The following ADGRF1 variants were observed in gnomAD, a reference collection of about 807,000 sequenced individuals.
The protein encoded by ADGRF1 is G protein-coupled receptor 110.
In ADGRF1, 85 loss-of-function variants were observed where a neutral mutation model predicts 87.2. The observed-to-expected ratio is 0.97, with a 90% CI of 0.82 to 1.17. The LOEUF is 1.17. Ranked by LOEUF, ADGRF1 falls within the 50% of genes most tolerant of loss-of-function variation. The probability of loss-of-function intolerance (pLI) is 0.00; values close to 1 mark genes in which losing one functional copy is unlikely to be tolerated. For synonymous variants in ADGRF1, 430 were observed against 408.8 expected (o/e 1.05, Z -0.63); for missense variants, 1,169 against 1,077.2 (o/e 1.09, Z -1.19).
rs1457894500 is a variant in ADGRF1, at chr6:46,999,256, G to T, written c.*966C>A. ...ATGGTGTATTATGAAAGAAAATAAG[G>T]ATGTTTTAAGGTACCTCCCTGGAAG... On this transcript the variant is annotated 3_prime_UTR_variant, in exon 15 of 15. Transcript: ENST00000371253. The T allele has an allele frequency of 1.3e-5, 2 of 152,192 alleles. No individual in the cohort carries two copies. The highest frequency in any genetic ancestry group is 2.9e-5 in the Non-Finnish European group (2 of 68,040). The allele number at this position is 152,192 out of a possible 1,614,324, so 9.4% of individuals were successfully genotyped here. A position where few individuals can be genotyped will look rare whatever the true frequency, so the allele number is the denominator to read the frequency against.
chr6:47,010,533 AG>A (rs1779675110), intron 10 of ADGRF1, among the ~76,000 whole-genome samples: 1 of 152,236 alleles, frequency 6.6e-6, no homozygotes, highest in African/African-American at 2.4e-5. Flanking sequence ...TGTAAGTCCC[AG>A]GGTGATCACC....
chr6:47,009,749 T>C lies in ADGRF1; in HGVS notation c.1686A>G (p.Gln562=), dbSNP rs1436084419. The change falls in exon 11 of 15, where the codon CAA becomes CAG. Residue 562 remains glutamine (Q), a synonymous_variant. Coordinates refer to ENST00000371253, the MANE Select transcript of ADGRF1 (RefSeq NM_153840.4). ...VNETQDIVTC[Q]CTHLTSFSIL... is the part of the protein sequence containing the mutation. ...TGGAGAAGGAGGTCAAGTGAGTACA[T>C]TGGCACGTCACGATGTCTTGAGTTT... 4 of 1,614,074 alleles carry C rather than the reference T, an allele frequency of 2.5e-6. No individual in the cohort carries two copies. Among genetic ancestry groups the C allele is most frequent in the African/African-American group, 1.3e-5 (1 of 74,940 alleles).
intron 2 of ADGRF1, 113 bp from the exon 3 acceptor site, chr6:47,027,874 G>T: frequency 1.3e-6 from 1 of 748,176 alleles, no homozygotes. Flanking sequence ...CCAAGCCAGG[G>T]ATGGTGGAGA....
chr6:47,012,705 G>A, intron 9 of ADGRF1: 1 of 985,594 alleles, frequency 1.0e-6, no homozygotes, highest in Non-Finnish European at 1.2e-6. Context: ...GATGGGAAGA[G>A]AGAGAAACAT....
At chr6:47,041,997 T>C (rs541162783) in intron 1 of ADGRF1, among the ~76,000 whole-genome samples, 194 bp downstream of exon 1, 2 of 152,206 alleles carry the variant, frequency 1.3e-5, no homozygotes, top group Non-Finnish European at 2.9e-5. Flanking sequence ...TTATAGTTAG[T>C]AAGCGGGTTG....
chr6:47,005,932 A>C, intron 12 of ADGRF1, 56 bp from the exon 13 acceptor site: 1 of 1,155,528 alleles, frequency 8.7e-7, no homozygotes, highest in Non-Finnish European at 1.3e-6. Flanking sequence ...TACACAGACA[A>C]ATCAAGAACA....
intron 13 of ADGRF1, among the ~76,000 whole-genome samples, chr6:47,003,680 A>T (rs1403183732): frequency 6.6e-6 from 1 of 152,192 alleles, no homozygotes; most frequent in African/African-American, 2.4e-5. Flanking sequence ...TCCTGTCCCT[A>T]CTTCGAGTTG....
chr6:47,032,555 G>T (rs1780460016), intron 1 of ADGRF1, among the ~76,000 whole-genome samples: 1 of 152,240 alleles, frequency 6.6e-6, no homozygotes, highest in Non-Finnish European at 1.5e-5. Context: ...AATGGGCTCT[G>T]TAGCTGTACT....
intron 7 of ADGRF1, chr6:47,017,400 T>C (rs1412955217): frequency 1.3e-5 from 2 of 152,158 alleles, no homozygotes; most frequent in Non-Finnish European, 2.9e-5. Context: ...GCAAGCAAGG[T>C]ACAGGGAACT....
In ADGRF1 at chr6:47,009,959, G is replaced by C. The variant is rs533540978; in HGVS notation, c.1476C>G (p.Pro492=). 2.5e-6 allele frequency: 4 copies of C among 1,614,108 alleles called. No homozygotes were observed. The highest frequency in any genetic ancestry group is 1.6e-4 in the Middle Eastern group (1 of 6,062). ...CCTGAGCATTTCCATTTTTGGAAAC[G>C]GGTAGAATGTTCCCCAGAGTCAACG... ...MASLTLGNIL[P]VSKNGNAQVN... Residue 492 remains proline (P), a synonymous_variant, in exon 11 of 15, where the codon CCC becomes CCG. Coordinates refer to ENST00000371253, the MANE Select transcript of ADGRF1 (RefSeq NM_153840.4).
At chr6:47,041,012 CA>C (rs1780725357) in intron 1 of ADGRF1, among the ~76,000 whole-genome samples, 1 of 152,192 alleles carries the variant, frequency 6.6e-6, no homozygotes, top group Non-Finnish European at 1.5e-5. Flanking sequence ...GGGTTGTGCA[CA>C]AAAGGTGAGT....
chr6:47,025,469 C>T (rs1343383400), intron 4 of ADGRF1, among the ~76,000 whole-genome samples: 1 of 152,186 alleles, frequency 6.6e-6, no homozygotes, highest in Non-Finnish European at 1.5e-5. Context: ...CTTCCAGGTA[C>T]ACAGGATTGC....
rs777322396 is a variant in ADGRF1 at position 47,014,630 on chromosome 6, C to T, written c.927+51G>A. The T allele has an allele frequency of 2.5e-6, 4 of 1,586,376 alleles. No homozygotes were observed. In the Admixed American group the frequency reaches 5.2e-5, roughly 21 times the overall value. The stretch of plus-strand genomic sequence containing the variant: ...CCTAGCCATGCTCACTGGGATATTG[C>T]CACTCTGAAACTCAAGACCAGGGCA... On this transcript the variant is annotated intron_variant, in intron 9 of 14. Coordinates refer to ENST00000371253, the MANE Select transcript of ADGRF1 (RefSeq NM_153840.4).
At chr6:47,012,246 A>C in intron 9 of ADGRF1, 51 bp from the exon 10 acceptor site, 1 of 1,587,480 alleles carries the variant, frequency 6.3e-7, no homozygotes, top group Non-Finnish European at 8.6e-7. Flanking sequence ...GCTGTGTTTC[A>C]TCAAATTTAA....
At position 47,014,833 on chromosome 6, in the gene ADGRF1, C is replaced by T; in HGVS notation, c.775G>A (p.Asp259Asn). ...TTGGACCCAAATCCAAAGACAATGT[C>T]ATTACACTGGGCTGGAAACAAAAGA... The part of the protein sequence containing the change: ...FRVFGKAQCN[D>N]IVFGFGSKDD... Residue 259 changes from aspartate (D) to asparagine (N), a missense_variant, in exon 9 of 15, where the codon GAC (aspartate) becomes AAC (asparagine). Transcript: ENST00000371253. The T allele has an allele frequency of 6.2e-7, 1 of 1,607,474 alleles. No individual in the cohort carries two copies. The highest frequency in any genetic ancestry group is 2.2e-5 in the East Asian group (1 of 44,664).
intron 3 of ADGRF1, among the ~76,000 whole-genome samples, chr6:47,026,655 C>T (rs1021379571): frequency 1.3e-5 from 2 of 152,070 alleles, no homozygotes; most frequent in African/African-American, 4.8e-5. Context: ...AGTCTTCTCC[C>T]ATCCAAAATT....
intron 4 of ADGRF1, among the ~76,000 whole-genome samples, chr6:47,025,585 C>G (rs547711684): frequency 1.3e-5 from 2 of 152,160 alleles, no homozygotes; most frequent in South Asian, 2.1e-4. Context: ...TTTAATTGCC[C>G]GTGGAAAACC....
In ADGRF1 at chr6:46,999,572, T is replaced by C. The variant is rs1026752289; in HGVS notation, c.*650A>G. The C allele has an allele frequency of 2.6e-5, 4 of 152,224 alleles. No individual in the cohort carries two copies. The highest frequency in any genetic ancestry group is 7.2e-5 in the African/African-American group (3 of 41,446). The allele number at this position is 152,224 out of a possible 1,614,324, so 9.4% of individuals were successfully genotyped here. A position where few individuals can be genotyped will look rare whatever the true frequency, so the allele number is the denominator to read the frequency against. On this transcript the variant is annotated 3_prime_UTR_variant, in exon 15 of 15. Transcript: ENST00000371253. ...GGTTTAGGACCAGATGGAAGTGCCTTGTAAACTGAAAAATACCACATTATA... is the reference window on the plus strand; with the variant it reads ...GGTTTAGGACCAGATGGAAGTGCCTCGTAAACTGAAAAATACCACATTATA...
At chr6:47,020,232 GC>G (rs1780004725) in intron 7 of ADGRF1, 1 of 1,268,176 alleles carries the variant, frequency 7.9e-7, no homozygotes, top group African/African-American at 1.5e-5. Context: ...GGTGGCTCAT[GC>G]CTGTAATCCC....
Sources: allele counts gnomAD v4.1 joint callset (sites outside exome capture counted in the v4.1 genomes callset), GRCh38; gene constraint gnomAD v4.1.1; transcripts MANE v1.5; gene names NCBI Gene and HGNC (gene_info 2026-07-23, HGNC 2026-07-21).